Variants in PEX5L observed in about 807,000 individuals in gnomAD.
PEX5L encodes the protein PEX5-related protein.
Under a neutral mutation model 84.0 loss-of-function variants are expected in PEX5L, and 30 were observed. That is an observed-to-expected ratio of 0.36 (90% CI 0.27 to 0.48). The LOEUF (loss-of-function observed/expected upper bound fraction) is 0.48, where lower values mean the gene tolerates loss of function less well. PEX5L is among the 20% of genes least tolerant of loss of function. The probability of loss-of-function intolerance (pLI) is 0.99; values close to 1 mark genes in which losing one functional copy is unlikely to be tolerated. For missense variants in PEX5L, 533 were observed against 754.6 expected, an observed-to-expected ratio of 0.71 and a Z score of 3.44; for synonymous variants, 270 against 283.1, an observed-to-expected ratio of 0.95 and a Z score of 0.46.
At chr3:179,983,175 C>T (rs757355941) in intron 1 of PEX5L, among the ~76,000 whole-genome samples, 23 of 151,664 alleles carry the variant, frequency 1.5e-4, no homozygotes, top group Non-Finnish European at 3.2e-4. Context: ...GTAAGTATAC[C>T]AATATATACA....
intron 2 of PEX5L, among the ~76,000 whole-genome samples, chr3:179,924,559 T>C (rs1385873323): frequency 1.3e-5 from 2 of 152,178 alleles, no homozygotes; most frequent in Admixed American, 6.5e-5. Context: ...ATTTGATCCT[T>C]ATCATGACCT....
intron 1 of PEX5L, among the ~76,000 whole-genome samples, chr3:180,005,260 AT>A (rs150489637): frequency 1.1e-4 from 17 of 151,012 alleles, no homozygotes; most frequent in African/African-American, 2.7e-4. Flanking sequence ...AAAAGTTTTT[AT>A]TTTTTTTTGT....
chr3:179,978,314 G>A (rs1011338396), intron 1 of PEX5L, among the ~76,000 whole-genome samples: 4 of 152,102 alleles, frequency 2.6e-5, no homozygotes, highest in Admixed American at 6.5e-5. Flanking sequence ...AAATAAGAAT[G>A]TTCCAACATA....
At chr3:179,912,227 T>C (rs1765421994) in intron 2 of PEX5L, among the ~76,000 whole-genome samples, 1 of 152,124 alleles carries the variant, frequency 6.6e-6, no homozygotes, top group Non-Finnish European at 1.5e-5. Context: ...CTTAAAAGTT[T>C]TTCTCAATCT....
chr3:180,033,991 A>G (rs950843258), intron 1 of PEX5L, among the ~76,000 whole-genome samples: 1 of 152,236 alleles, frequency 6.6e-6, no homozygotes, highest in African/African-American at 2.4e-5. Context: ...TCTAAAATGA[A>G]TTCAGATTCT....
chr3:179,850,342 G>A (rs556500537), intron 8 of PEX5L, among the ~76,000 whole-genome samples: 3 of 152,020 alleles, frequency 2.0e-5, no homozygotes, highest in Non-Finnish European at 4.4e-5. Flanking sequence ...GGTCAGGCTG[G>A]TCTTAAACCT....
chr3:180,023,656 C>T (rs533389969), intron 1 of PEX5L, among the ~76,000 whole-genome samples: 2 of 152,142 alleles, frequency 1.3e-5, no homozygotes, highest in South Asian at 2.1e-4. Flanking sequence ...TTAAAGAGAC[C>T]ATCCTCTATA....
chr3:179,886,440 A>T (rs749020453), intron 4 of PEX5L, among the ~76,000 whole-genome samples: 1 of 152,370 alleles, frequency 6.6e-6, no homozygotes, highest in Non-Finnish European at 1.5e-5. Flanking sequence ...AAGTGTAGGG[A>T]ATACATATTG....
chr3:179,973,603 CCT>C, intron 1 of PEX5L: 2 of 984,862 alleles, frequency 2.0e-6, no homozygotes, highest in Non-Finnish European at 2.4e-6. Flanking sequence ...CTTGATTTCC[CCT>C]TTTTAATCTC....
chr3:179,816,018 A>T lies in PEX5L; in HGVS notation c.940-14T>A, dbSNP rs1015967184. 1.2e-5 allele frequency: 19 copies of T among 1,613,494 alleles called. No homozygotes were observed. The highest frequency in any genetic ancestry group is 1.6e-5 in the Non-Finnish European group (19 of 1,179,594). On this transcript the variant is annotated splice_polypyrimidine_tract_variant and intron_variant, in intron 9 of 14. Coordinates refer to ENST00000467460, the MANE Select transcript of PEX5L (RefSeq NM_016559.3). ...AAAGTAATATCCCTGCAACACAGAAAAAGGCCAGTGCATGAGCCATTGATT... is the reference window on the plus strand; with the variant it reads ...AAAGTAATATCCCTGCAACACAGAATAAGGCCAGTGCATGAGCCATTGATT...
chr3:179,951,539 C>T (rs998421098), intron 2 of PEX5L, among the ~76,000 whole-genome samples: 3 of 152,052 alleles, frequency 2.0e-5, no homozygotes, highest in South Asian at 2.1e-4. Flanking sequence ...CTTGCTGCCT[C>T]GAACTCAGAG....
chr3:179,859,025 G>T, intron 8 of PEX5L, 37 bp downstream of exon 8: 1 of 1,329,698 alleles, frequency 7.5e-7, no homozygotes, highest in South Asian at 1.2e-5. Flanking sequence ...ACTCTCAGGA[G>T]CATGAAACAG....
rs2108391539 is a variant in PEX5L at position 180,036,697 on chromosome 3, G to C, written c.-98C>G. ...GAGGGGAAAAGGTGGGTGCACAGCGGGTTCTCAGAGGGTGCTCCTGAGCCC... is the reference window on the plus strand; with the variant it reads ...GAGGGGAAAAGGTGGGTGCACAGCGCGTTCTCAGAGGGTGCTCCTGAGCCC... On this transcript the variant is annotated 5_prime_UTR_variant, in exon 1 of 15. Transcript: ENST00000467460. 7.3e-7 allele frequency: 1 copy of C among 1,369,662 alleles called. No homozygotes were observed. Among genetic ancestry groups the C allele is most frequent in the East Asian group, 2.3e-5 (1 of 43,484 alleles). 84.8% of individuals were successfully genotyped at this position (1,369,662 alleles called of 1,614,324 possible).
intron 7 of PEX5L, among the ~76,000 whole-genome samples, chr3:179,867,968 A>C (rs1318645766): frequency 6.6e-6 from 1 of 151,582 alleles, no homozygotes; most frequent in South Asian, 2.1e-4. Context: ...GATAAGCATG[A>C]TGTGGCTGAA....
intron 2 of PEX5L, among the ~76,000 whole-genome samples, chr3:179,916,591 A>C (rs1363785474): frequency 1.3e-5 from 2 of 152,170 alleles, no homozygotes; most frequent in African/African-American, 4.8e-5. Flanking sequence ...AAATTTATAC[A>C]AAAAATTTTT....
chr3:179,979,550 C>T (rs888241977), intron 1 of PEX5L, among the ~76,000 whole-genome samples: 9 of 152,088 alleles, frequency 5.9e-5, no homozygotes, highest in African/African-American at 1.4e-4. Flanking sequence ...CTGTCATCCC[C>T]GACACAACAG....
At chr3:179,846,041 G>A (rs752564880) in intron 8 of PEX5L, among the ~76,000 whole-genome samples, 5 of 152,076 alleles carry the variant, frequency 3.3e-5, no homozygotes, top group African/African-American at 7.2e-5. Context: ...ATGGTGGTGC[G>A]TGCCTGTAAT....
intron 1 of PEX5L, among the ~76,000 whole-genome samples, chr3:179,985,460 C>A (rs1264325574): frequency 6.6e-6 from 1 of 152,114 alleles, no homozygotes; most frequent in Non-Finnish European, 1.5e-5. Context: ...ATCTACACCT[C>A]AGCTCTATAT....
intron 3 of PEX5L, among the ~76,000 whole-genome samples, chr3:179,892,488 T>C (rs1273480094): frequency 6.6e-6 from 1 of 152,158 alleles, no homozygotes; most frequent in Non-Finnish European, 1.5e-5. Context: ...ATTTTTTTTG[T>C]ATTCAACAGT....
Sources: allele counts gnomAD v4.1 joint callset (sites outside exome capture counted in the v4.1 genomes callset), GRCh38; gene constraint gnomAD v4.1.1; transcripts MANE v1.5; gene names NCBI Gene and HGNC (gene_info 2026-07-23, HGNC 2026-07-21).